ABCB8: variants seen among roughly 807,000 people sequenced by gnomAD.
ABCB8 encodes mitochondrial potassium channel ATP-binding subunit.
A neutral mutation model predicts 73.0 loss-of-function variants in ABCB8; 52 were observed. That is an observed-to-expected ratio of 0.71 (90% CI 0.57 to 0.90). The LOEUF is 0.90. Among genes scored for constraint, ABCB8 ranks in the 40% least tolerant of loss-of-function variants. The pLI, the probability that ABCB8 is intolerant of heterozygous loss-of-function variation, is 0.00. For missense variants in ABCB8, 909 were observed against 974.6 expected, an observed-to-expected ratio of 0.93 and a Z score of 0.90; for synonymous variants, 428 against 423.5, an observed-to-expected ratio of 1.01 and a Z score of -0.13.
chr7:151,035,568 T>G lies in ABCB8; in HGVS notation c.766-13T>G. On this transcript the variant is annotated splice_polypyrimidine_tract_variant and intron_variant, in intron 5 of 15. Coordinates refer to ENST00000358849, the MANE Select transcript of ABCB8 (RefSeq NM_007188.5). Reference sequence around the variant, plus strand: ...GGACGCCGTAGCCTCCCGCCTTCCCTCCCACTCCCTAGGGGCTGCGAAGCT... The same window carrying G: ...GGACGCCGTAGCCTCCCGCCTTCCCGCCCACTCCCTAGGGGCTGCGAAGCT... 14 of 1,581,260 alleles carry G rather than the reference T, an allele frequency of 8.9e-6. No homozygotes were observed. Among genetic ancestry groups the G allele is most frequent in the Non-Finnish European group, 1.2e-5 (14 of 1,159,198 alleles).
Position 151,041,151 on chromosome 7 carries a change from C to G in ABCB8, c.1536C>G (p.Gly512=). 6.2e-7 allele frequency: 1 copy of G among 1,612,244 alleles called. No homozygotes were observed. Among genetic ancestry groups the G allele is most frequent in the Non-Finnish European group, 8.5e-7 (1 of 1,179,998 alleles). ...AGCGCTTCTACGACCCCACGGCAGG[C>G]GTGGTGATGCTGGATGGGCGGGACC... ...LLERFYDPTA[G]VVMLDGRDLR... Residue 512 remains glycine (G), a synonymous_variant, in exon 13 of 16, where the codon GGC becomes GGG. Coordinates refer to ENST00000358849, the MANE Select transcript of ABCB8 (RefSeq NM_007188.5).
At chr7:151,028,883 A>C in intron 1 of ABCB8, 1 of 1,508,492 alleles carries the variant, frequency 6.6e-7, no homozygotes. Context: ...CGCACTCCCG[A>C]CCGGGGGTCC....
chr7:151,028,468 T>C lies in ABCB8; in HGVS notation c.-48T>C. The C allele has an allele frequency of 6.3e-7, 1 of 1,576,794 alleles. No homozygotes were observed. The highest frequency in any genetic ancestry group is 1.2e-5 in the South Asian group (1 of 85,820). On this transcript the variant is annotated 5_prime_UTR_variant, in exon 1 of 16. It removes an upstream start codon present in the reference 5' UTR. Coordinates refer to ENST00000358849, the MANE Select transcript of ABCB8 (RefSeq NM_007188.5). ...AGCCAACATAGAGCCCTCAGTGGGATGAGGGTGAAACTGCTATTGCCGGCG... is the reference window on the plus strand; with the variant it reads ...AGCCAACATAGAGCCCTCAGTGGGACGAGGGTGAAACTGCTATTGCCGGCG...
rs747379389 is a variant in ABCB8 at position 151,033,859 on chromosome 7, G to C, written c.350G>C (p.Trp117Ser). 2 of 1,612,870 alleles carry C rather than the reference G, an allele frequency of 1.2e-6. No individual in the cohort carries two copies. Among genetic ancestry groups the C allele is most frequent in the Admixed American group, 1.7e-5 (1 of 59,884 alleles). ...CATGTCGTGGGGTCTCGCTTTAACT[G>C]GAAGCTCTTCTGGCAGTTTCTGCAC... Reference protein sequence around the residue: ...TPHVVGSRFNWKLFWQFLHPH... With the variant: ...TPHVVGSRFNSKLFWQFLHPH... The change falls in exon 2 of 16, where the codon TGG becomes TCG. Residue 117 changes from tryptophan (W) to serine (S), a missense_variant. By Grantham distance (177) the Trp-to-Ser change is radical. Coordinates refer to ENST00000358849, the MANE Select transcript of ABCB8 (RefSeq NM_007188.5).
Position 151,044,236 on chromosome 7 carries a change from G to T in ABCB8, c.2016+15G>T. 1 of 1,593,284 alleles carries T rather than the reference G, an allele frequency of 6.3e-7. No homozygotes were observed. On this transcript the variant is annotated intron_variant, in intron 15 of 15. Transcript: ENST00000358849. Reference sequence around the variant, plus strand: ...GTGTCTGGGAGGTTAGTTGTCCTGGGGGCGTGGATCAGTGGGTTGAGGATG... The same window carrying T: ...GTGTCTGGGAGGTTAGTTGTCCTGGTGGCGTGGATCAGTGGGTTGAGGATG...
Position 151,034,520 on chromosome 7 carries a change from G to A in ABCB8, c.580G>A (p.Gly194Arg), listed in dbSNP as rs201077328. ...TCTTTCGCAGGGACTGCTGACCTTC[G>A]GGTACCTGGTGCTGCTGTCCCACGT... ...LYGVQGLLTF[G>R]YLVLLSHVGE... Residue 194 changes from glycine to arginine, a missense_variant, in exon 4 of 16, where the codon GGG becomes AGG. Physicochemically the swap from Gly to Arg is moderately radical, Grantham distance 125. Transcript: ENST00000358849. The A allele has an allele frequency of 3.1e-6, 5 of 1,613,322 alleles. No homozygotes were observed. Among genetic ancestry groups the A allele is most frequent in the Admixed American group, 1.7e-5 (1 of 60,032 alleles).
At position 151,039,977 on chromosome 7, in the gene ABCB8, CCA is replaced by C. The variant is rs1437199034; in HGVS notation, c.1218-288_1218-287del. On this transcript the variant is annotated intron_variant, in intron 9 of 15. Transcript: ENST00000358849. ...CACAGGCCAGGGCACTGGAGGACAC[CCA>C]CAGAGGCCTGTGCCTTCACTTCCAT... The C allele has an allele frequency of 7.0e-5, 29 of 415,760 alleles. No homozygotes were observed. In the East Asian group the frequency reaches 1.4e-3, roughly 20 times the overall value. The allele number at this position is 415,760 out of a possible 1,614,324, so 25.8% of individuals were successfully genotyped here.
intron 1 of ABCB8, 35 bp from the exon 2 acceptor site, chr7:151,033,570 A>C: frequency 6.6e-7 from 1 of 1,521,230 alleles, no homozygotes; most frequent in Non-Finnish European, 8.8e-7. Context: ...GGGCAGTCGG[A>C]GCCTCAAGCC....
intron 12 of ABCB8, 77 bp downstream of exon 12, chr7:151,040,999 C>T (rs1796445839): frequency 6.2e-6 from 10 of 1,607,140 alleles, no homozygotes; most frequent in Admixed American, 5.0e-5. Context: ...GAGCAGTGAG[C>T]CCCCGGTGGG....
rs1452565014 is a variant in ABCB8, at chr7:151,034,549, C to T, written c.609C>T (p.Gly203=). The T allele has an allele frequency of 9.3e-6, 15 of 1,613,348 alleles. No individual in the cohort carries two copies. The highest frequency in any genetic ancestry group is 1.2e-5 in the Non-Finnish European group (14 of 1,180,020). Residue 203 remains glycine, a synonymous_variant, in exon 4 of 16, where the codon GGC becomes GGT. Coordinates refer to ENST00000358849, the MANE Select transcript of ABCB8 (RefSeq NM_007188.5). The part of the protein sequence containing the change: ...FGYLVLLSHV[G]ERMAVDMRRA... ...ACCTGGTGCTGCTGTCCCACGTTGG[C>T]GAGCGCATGGCTGTGGACATGCGGA...
chr7:151,042,367 A>G (rs1033585383), intron 14 of ABCB8, among the ~76,000 whole-genome samples: 1 of 152,186 alleles, frequency 6.6e-6, no homozygotes, highest in African/African-American at 2.4e-5. Context: ...GAGCTGGAGA[A>G]TGCGACAGAG....
At chr7:151,044,420 C>T (rs1563307284) in intron 15 of ABCB8, among the ~76,000 whole-genome samples, 199 bp downstream of exon 15, 2 of 152,200 alleles carry the variant, frequency 1.3e-5, no homozygotes, top group Non-Finnish European at 2.9e-5. Context: ...TCAGTTTCTT[C>T]TTCTGTCCCC....
chr7:151,041,933 C>T (rs946668648), intron 13 of ABCB8, 28 bp from the exon 14 acceptor site: 9 of 1,608,826 alleles, frequency 5.6e-6, no homozygotes, highest in African/African-American at 5.3e-5. Context: ...TTTCTATGGA[C>T]TCTGTCTCCA....
Position 151,042,119 on chromosome 7 carries a change from G to A in ABCB8, c.1765+11G>A, listed in dbSNP as rs754912350. 1.2e-5 allele frequency: 19 copies of A among 1,611,870 alleles called. No homozygotes were observed. Among genetic ancestry groups the A allele is most frequent in the Middle Eastern group, 1.7e-4 (1 of 5,896 alleles). On this transcript the variant is annotated intron_variant, in intron 14 of 15. Coordinates refer to ENST00000358849, the MANE Select transcript of ABCB8 (RefSeq NM_007188.5). ...ACAACACGGTCGTCGGTGGGTGCTC[G>A]GGTCTGCCGGGAACCAGGTGGTGAG...
intron 1 of ABCB8, among the ~76,000 whole-genome samples, chr7:151,031,813 A>G (rs1796172091): frequency 6.6e-6 from 1 of 152,000 alleles, no homozygotes; most frequent in African/African-American, 2.4e-5. Flanking sequence ...AGTAGAGACA[A>G]GGTTTCAACA....
rs766210771 is a variant in ABCB8 at position 151,040,648 on chromosome 7, A to AG, written c.1388+15dup. ...CGTCTGCTTCAGGTCAGCACGGGTG[A>AG]GCAGGCGTGGGGATGGGTCCCTGGG... On this transcript the variant is annotated intron_variant, in intron 11 of 15. Transcript: ENST00000358849. The AG allele has an allele frequency of 8.7e-5, 140 of 1,608,670 alleles. No homozygotes were observed. Among genetic ancestry groups the AG allele is most frequent in the Admixed American group, 4.0e-4 (24 of 59,802 alleles).
rs138311612 is a variant in ABCB8, at chr7:151,042,074, C to G, written c.1731C>G (p.Ile577Met). The G allele has an allele frequency of 4.3e-6, 7 of 1,613,082 alleles. No individual in the cohort carries two copies. In the African/African-American group the frequency reaches 9.3e-5, roughly 22 times the overall value. ...GGGAAGCGAATGCTCACGAGTTCAT[C>G]ACCAGCTTCCCCGAGGGCTACAACA... ...AAREANAHEF[I>M]TSFPEGYNTV... Residue 577 changes from isoleucine to methionine, a missense_variant, in exon 14 of 16, where the codon ATC becomes ATG. Ile to Met is a conservative substitution (Grantham distance 10, BLOSUM62 1). Transcript: ENST00000358849.
At chr7:151,045,100 G>A (rs1796579180) in intron 15 of ABCB8, 109 bp from the exon 16 acceptor site, 15 of 1,353,502 alleles carry the variant, frequency 1.1e-5, no homozygotes, top group Admixed American at 2.8e-5. Flanking sequence ...AAGGGACACC[G>A]GCCTAAGTGA....
Position 151,041,085 on chromosome 7 carries a change from A to G in ABCB8, c.1484-14A>G. On this transcript the variant is annotated splice_polypyrimidine_tract_variant and intron_variant, in intron 12 of 15. Coordinates refer to ENST00000358849, the MANE Select transcript of ABCB8 (RefSeq NM_007188.5). ...GAATCCCTGGCCTCCCTCCCTCTCAACCCAATTCCCCAGGAAAGACCACCG... is the reference window on the plus strand; with the variant it reads ...GAATCCCTGGCCTCCCTCCCTCTCAGCCCAATTCCCCAGGAAAGACCACCG... 1 of 1,613,420 alleles carries G rather than the reference A, an allele frequency of 6.2e-7. No homozygotes were observed. Among genetic ancestry groups the G allele is most frequent in the South Asian group, 1.1e-5 (1 of 91,062 alleles).
Sources: allele counts gnomAD v4.1 joint callset (sites outside exome capture counted in the v4.1 genomes callset), GRCh38; gene constraint gnomAD v4.1.1; transcripts MANE v1.5; gene names NCBI Gene and HGNC (gene_info 2026-07-23, HGNC 2026-07-21).